Variants in RAB3C observed in about 807,000 individuals in gnomAD.
RAB3C encodes ras-related protein Rab-3C.
A neutral mutation model predicts 26.4 loss-of-function variants in RAB3C; 17 were observed. The ratio of observed to expected loss-of-function variants is 0.64; its 90% CI spans 0.44 to 0.97. The LOEUF (loss-of-function observed/expected upper bound fraction) is 0.97, where lower values mean the gene tolerates loss of function less well. RAB3C is among the 50% of genes least tolerant of loss of function. RAB3C has a pLI of 0.00. For synonymous variants in RAB3C, 91 were observed against 95.9 expected, an observed-to-expected ratio of 0.95 and a Z score of 0.30; for missense variants, 242 against 281.9, an observed-to-expected ratio of 0.86 and a Z score of 1.01.
intron 1 of RAB3C, among the ~76,000 whole-genome samples, chr5:58,613,402 T>C (rs1348569371): frequency 6.6e-6 from 1 of 152,118 alleles, no homozygotes; most frequent in Non-Finnish European, 1.5e-5. Flanking sequence ...TAAAAAGTGA[T>C]TACCATTTTG....
chr5:58,827,237 G>A (rs1406203954), intron 4 of RAB3C, among the ~76,000 whole-genome samples: 2 of 152,220 alleles, frequency 1.3e-5, no homozygotes, highest in African/African-American at 2.4e-5. Flanking sequence ...GGAGAGGGTT[G>A]GCAGGTTGGC....
intron 3 of RAB3C, among the ~76,000 whole-genome samples, chr5:58,782,132 A>G (rs1328264608): frequency 2.0e-5 from 3 of 152,130 alleles, no homozygotes; most frequent in African/African-American, 4.8e-5. Context: ...TGTAAGGTCA[A>G]TAAAGCTTTG....
At chr5:58,709,786 G>A (rs73102332) in intron 2 of RAB3C, among the ~76,000 whole-genome samples, 2,885 of 152,180 alleles carry the variant, frequency 0.019, 76 homozygotes, top group African/African-American at 0.065. Flanking sequence ...AGAACTGAAC[G>A]GAAAAGAATT....
In RAB3C at chr5:58,839,328, A is replaced by C. The variant is rs1201056108; in HGVS notation, c.497-11836A>C. On this transcript the variant is annotated intron_variant, in intron 4 of 4. Transcript: ENST00000282878. The stretch of plus-strand genomic sequence containing the variant: ...TATTTATTTTTGTGGCTGGGTCCCT[A>C]TCTGTAATGATAAGTTTTTATTTTA... Among the ~76,000 whole-genome samples the C allele has an allele frequency of 3.4e-5, 5 of 148,574 alleles. No individual in the cohort carries two copies. The East Asian group carries it at 9.7e-4, about 29-fold the overall frequency.
At chr5:58,642,668 G>C (rs1044376423) in intron 2 of RAB3C, among the ~76,000 whole-genome samples, 8 of 152,176 alleles carry the variant, frequency 5.3e-5, no homozygotes, top group African/African-American at 1.7e-4. Context: ...ACTTGTGATG[G>C]ATGGTTTTTC....
chr5:58,632,975 A>G (rs1397883868), intron 2 of RAB3C, among the ~76,000 whole-genome samples: 1 of 152,210 alleles, frequency 6.6e-6, no homozygotes, highest in Admixed American at 6.5e-5. Flanking sequence ...ACTGGACATG[A>G]AGCAAAATGG....
intron 2 of RAB3C, among the ~76,000 whole-genome samples, chr5:58,671,741 G>A (rs1748122639): frequency 6.6e-6 from 1 of 152,118 alleles, no homozygotes; most frequent in South Asian, 2.1e-4. Context: ...CAAACTTTGA[G>A]GTTGCACTTT....
At chr5:58,604,301 G>T (rs1746515121) in intron 1 of RAB3C, among the ~76,000 whole-genome samples, 1 of 152,228 alleles carries the variant, frequency 6.6e-6, no homozygotes, top group African/African-American at 2.4e-5. Context: ...CCAGGAGGTG[G>T]CACTTTGCAG....
At chr5:58,807,356 G>T (rs984919080) in intron 3 of RAB3C, among the ~76,000 whole-genome samples, 1 of 152,202 alleles carries the variant, frequency 6.6e-6, no homozygotes, top group Non-Finnish European at 1.5e-5. Flanking sequence ...ATTAATTTCA[G>T]CTAAATGGAT....
rs373363988 is a variant in RAB3C at position 58,770,942 on chromosome 5, T to C, written c.371+44822T>C. Among the ~76,000 whole-genome samples, 7 of 152,266 alleles carry C rather than the reference T, an allele frequency of 4.6e-5. No homozygotes were observed. The East Asian group carries it at 1.3e-3, about 29-fold the overall frequency. On this transcript the variant is annotated intron_variant, in intron 3 of 4. Coordinates refer to ENST00000282878, the MANE Select transcript of RAB3C (RefSeq NM_138453.4). Reference sequence around the variant, plus strand: ...CAGAATACTTAATAAATTTACACTTTTGAATTAAATAAGAATGGTTTAAAA... The same window carrying C: ...CAGAATACTTAATAAATTTACACTTCTGAATTAAATAAGAATGGTTTAAAA...
intron 4 of RAB3C, among the ~76,000 whole-genome samples, chr5:58,833,572 G>A (rs2112070465): frequency 6.6e-6 from 1 of 152,250 alleles, no homozygotes; most frequent in Non-Finnish European, 1.5e-5. Flanking sequence ...AAAAGATGAT[G>A]GAGGTACCTG....
At chr5:58,814,628 C>T (rs1351599733) in intron 3 of RAB3C, 1 of 152,160 alleles carries the variant, frequency 6.6e-6, no homozygotes, top group Non-Finnish European at 1.5e-5. Flanking sequence ...GAAAGCATAA[C>T]CCAGTCATTC....
intron 4 of RAB3C, among the ~76,000 whole-genome samples, chr5:58,849,323 C>A (rs1024817406): frequency 6.6e-6 from 1 of 151,938 alleles, no homozygotes; most frequent in Non-Finnish European, 1.5e-5. Context: ...TTCTTGGTAT[C>A]TTATGACATA....
chr5:58,746,988 CTT>C (rs1741414956), intron 3 of RAB3C, among the ~76,000 whole-genome samples: 1 of 152,140 alleles, frequency 6.6e-6, no homozygotes, highest in Admixed American at 6.5e-5. Context: ...AAGCAACAGA[CTT>C]TTAACATTCT....
intron 2 of RAB3C, among the ~76,000 whole-genome samples, chr5:58,625,801 G>T (rs999438519): frequency 6.6e-6 from 1 of 150,550 alleles, no homozygotes; most frequent in Non-Finnish European, 1.5e-5. Context: ...AGGTTGCAGT[G>T]AGCCGAGATC....
intron 2 of RAB3C, among the ~76,000 whole-genome samples, chr5:58,672,762 G>C (rs1313631584): frequency 6.6e-6 from 1 of 152,180 alleles, no homozygotes; most frequent in Non-Finnish European, 1.5e-5. Flanking sequence ...TGACAACCTA[G>C]ATAACCTTTG....
intron 1 of RAB3C, among the ~76,000 whole-genome samples, chr5:58,610,825 T>A (rs1334906949): frequency 6.6e-6 from 1 of 152,068 alleles, no homozygotes; most frequent in Non-Finnish European, 1.5e-5. Flanking sequence ...TGTCATGGAG[T>A]TTGTTGTACA....
intron 4 of RAB3C, among the ~76,000 whole-genome samples, chr5:58,829,353 G>A (rs1743562257): frequency 6.6e-6 from 1 of 151,896 alleles, no homozygotes; most frequent in Non-Finnish European, 1.5e-5. Context: ...TGTTTTAAAT[G>A]AGAAAAAAAT....
chr5:58,668,925 G>T (rs1043800264), intron 2 of RAB3C, among the ~76,000 whole-genome samples: 1 of 152,072 alleles, frequency 6.6e-6, no homozygotes, highest in African/African-American at 2.4e-5. Flanking sequence ...CAAGATCAAG[G>T]TGCCAGCTGA....
Sources: allele counts gnomAD v4.1 joint callset (sites outside exome capture counted in the v4.1 genomes callset), GRCh38; gene constraint gnomAD v4.1.1; transcripts MANE v1.5; gene names NCBI Gene and HGNC (gene_info 2026-07-23, HGNC 2026-07-21).